Variants in CCDC191 observed in about 807,000 individuals in gnomAD.
CCDC191 encodes the protein coiled-coil domain containing 191.
Under a neutral mutation model 114.0 loss-of-function variants are expected in CCDC191, and 99 were observed. That is an observed-to-expected ratio of 0.87 (90% CI 0.74 to 1.03). The LOEUF is 1.03. Among genes scored for constraint, CCDC191 ranks in the 50% least tolerant of loss-of-function variants. The pLI is 0.00. For missense variants in CCDC191, 973 were observed against 1,087.0 expected (o/e 0.90, Z 1.47); for synonymous variants, 351 against 376.0 (o/e 0.93, Z 0.77).
upstream of CCDC191, chr3:114,056,532 C>G (rs115516714): frequency 1.2e-6 from 2 of 1,611,450 alleles, no homozygotes; most frequent in Non-Finnish European, 1.7e-6. Context: ...GGGCTGCCTC[C>G]GGGTCACGCT....
At chr3:114,054,211 A>G (rs1468608333) in intron 1 of CCDC191, 1 of 152,246 alleles carries the variant, frequency 6.6e-6, no homozygotes, top group Non-Finnish European at 1.5e-5. Flanking sequence ...TCAGTCAGGT[A>G]TTAATCTGAA....
At position 113,990,858 on chromosome 3, in the gene CCDC191, C is replaced by A. The variant is rs190466837; in HGVS notation, c.2164-10065G>T. ...GTGCATGCTTAGAATCCCAGCTACT[C>A]AGGAGGCTGAGGCAAGATAATTTGA... On this transcript the variant is annotated intron_variant, in intron 13 of 16. Transcript: ENST00000295878. Among the ~76,000 whole-genome samples, 15 of 145,356 alleles carry A rather than the reference C, an allele frequency of 1.0e-4. No homozygotes were observed. The East Asian group carries it at 3.0e-3, about 29-fold the overall frequency.
rs189817400 is a variant in CCDC191 at position 114,009,945 on chromosome 3, G to A, written c.1413+827C>T. On this transcript the variant is annotated intron_variant, in intron 9 of 16. Transcript: ENST00000295878. Reference sequence around the variant, plus strand: ...CACAGAATACTAGTCCTTAGACAGGGGATATGTATTACGTCCACTTGCGGA... The same window carrying A: ...CACAGAATACTAGTCCTTAGACAGGAGATATGTATTACGTCCACTTGCGGA... Among the ~76,000 whole-genome samples the A allele has an allele frequency of 7.7e-4, 117 of 152,106 alleles. 1 individual carries two copies. The highest frequency in any genetic ancestry group is 6.8e-3 in the Middle Eastern group (2 of 294).
chr3:113,971,719 A>G (rs1577311230), intron 16 of CCDC191, among the ~76,000 whole-genome samples: 2 of 150,816 alleles, frequency 1.3e-5, no homozygotes, highest in South Asian at 4.2e-4. Context: ...CCTCCTCTTC[A>G]GTTTTTTTTT....
Position 114,056,513 on chromosome 3 carries a change from C to A in CCDC191, c.-47G>T. The A allele has an allele frequency of 6.2e-7, 1 of 1,613,234 alleles. No homozygotes were observed. The highest frequency in any genetic ancestry group is 8.5e-7 in the Non-Finnish European group (1 of 1,179,900). On this transcript the variant is annotated 5_prime_UTR_variant, in exon 1 of 17. It adds an upstream start codon to the 5' untranslated region. Coordinates refer to ENST00000295878, the MANE Select transcript of CCDC191 (RefSeq NM_020817.2). ...CTCGGCCAAAGCTGCAGCAACCGCC[C>A]TTCTGCCCGGGCTGCCTCCGGGTCA...
At chr3:114,015,814 A>G (rs2076149825) in intron 8 of CCDC191, among the ~76,000 whole-genome samples, 1 of 152,362 alleles carries the variant, frequency 6.6e-6, no homozygotes. Context: ...AATAATAAAC[A>G]TGAACAAAAA....
chr3:113,981,022 G>A (rs752597670), intron 13 of CCDC191, among the ~76,000 whole-genome samples: 6 of 152,090 alleles, frequency 3.9e-5, no homozygotes, highest in Non-Finnish European at 8.8e-5. Flanking sequence ...ATGCATATTC[G>A]TGGATTTATT....
chr3:113,997,211 ATT>A (rs983426718), intron 13 of CCDC191, among the ~76,000 whole-genome samples: 5 of 152,194 alleles, frequency 3.3e-5, no homozygotes, highest in Non-Finnish European at 7.3e-5. Context: ...GTCAGAGGGC[ATT>A]TACAAATAAG....
chr3:114,042,909 T>C, intron 3 of CCDC191, 63 bp from the exon 4 acceptor site: 2 of 1,420,630 alleles, frequency 1.4e-6, no homozygotes, highest in Non-Finnish European at 9.7e-7. Context: ...TTATTCACTG[T>C]TTTCATTTAT....
At chr3:114,003,574 T>C in intron 11 of CCDC191, 1 of 985,414 alleles carries the variant, frequency 1.0e-6, no homozygotes, top group Non-Finnish European at 1.2e-6. Context: ...AAAAGACTAC[T>C]TGAAAGTAGA....
At chr3:113,972,782 G>C (rs1330747880) in intron 16 of CCDC191, among the ~76,000 whole-genome samples, 1 of 152,114 alleles carries the variant, frequency 6.6e-6, no homozygotes, top group African/African-American at 2.4e-5. Flanking sequence ...TCCTCTTGCT[G>C]AATTGACCTC....
upstream of CCDC191, chr3:114,056,533 G>C (rs772783475): frequency 1.2e-5 from 19 of 1,610,690 alleles, no homozygotes; most frequent in Admixed American, 1.0e-4. Flanking sequence ...GGCTGCCTCC[G>C]GGTCACGCTG....
chr3:114,053,684 A>G (rs777375623), intron 1 of CCDC191, 49 bp from the exon 2 acceptor site: 6 of 1,327,462 alleles, frequency 4.5e-6, no homozygotes, highest in African/African-American at 1.5e-5. Context: ...ATCTTTATCA[A>G]CTTTGCCATT....
At chr3:114,042,440 G>T (rs751913176) in intron 4 of CCDC191, among the ~76,000 whole-genome samples, 1 of 152,116 alleles carries the variant, frequency 6.6e-6, no homozygotes, top group African/African-American at 2.4e-5. Flanking sequence ...TATCTGTGGG[G>T]GCCAGGGGGT....
At chr3:113,998,262 C>T (rs1020860363) in intron 13 of CCDC191, among the ~76,000 whole-genome samples, 1 of 144,482 alleles carries the variant, frequency 6.9e-6, no homozygotes, top group South Asian at 2.2e-4. Context: ...GCCGAGATCG[C>T]ACCATTGCAC....
Position 113,974,716 on chromosome 3 carries a change from G to T in CCDC191, c.2606+3470C>A, listed in dbSNP as rs1015401768. ...CTGTGTCTGGCTTGTTTGGTTTTCA[G>T]TGGGTATGTTTGATTAGAGATTGTT... On this transcript the variant is annotated intron_variant, in intron 16 of 16. Coordinates refer to ENST00000295878, the MANE Select transcript of CCDC191 (RefSeq NM_020817.2). Among the ~76,000 whole-genome samples, 3 of 152,128 alleles carry T rather than the reference G, an allele frequency of 2.0e-5. No homozygotes were observed. In the East Asian group the frequency reaches 5.8e-4, roughly 29 times the overall value.
intron 7 of CCDC191, among the ~76,000 whole-genome samples, chr3:114,023,596 G>A (rs914406367): frequency 9.2e-5 from 14 of 152,194 alleles, no homozygotes; most frequent in Non-Finnish European, 1.8e-4. Flanking sequence ...ACAAAAACAA[G>A]CAATGGGGAA....
Position 114,009,179 on chromosome 3 carries a change from A to G in CCDC191, c.1413+1593T>C, listed in dbSNP as rs75615439. Among the ~76,000 whole-genome samples, 555 of 152,324 alleles carry G rather than the reference A, an allele frequency of 3.6e-3. 16 individuals carry two copies. The East Asian group carries it at 0.075, about 21-fold the overall frequency. ...TCTAGATGAGTGAATGTGAAGGCCT[A>G]GGACATTATTATATACTAGTGCAGA... On this transcript the variant is annotated intron_variant, in intron 9 of 16. Coordinates refer to ENST00000295878, the MANE Select transcript of CCDC191 (RefSeq NM_020817.2).
Position 114,056,250 on chromosome 3 carries a change from C to G in CCDC191, c.90+127G>C, listed in dbSNP as rs2076777689. 22 of 817,328 alleles carry G rather than the reference C, an allele frequency of 2.7e-5. No homozygotes were observed. The South Asian group carries it at 3.4e-4, about 13-fold the overall frequency. 50.6% of individuals were successfully genotyped at this position (817,328 alleles called of 1,614,324 possible). ...ACTCAGGGTAATGCTGGCTTTGGGG[C>G]GGTCAAGGCAGGGGCGTGTCAGCTC... is the stretch of plus-strand genomic sequence containing the variant. On this transcript the variant is annotated intron_variant, in intron 1 of 16. Transcript: ENST00000295878.
Sources: allele counts gnomAD v4.1 joint callset (sites outside exome capture counted in the v4.1 genomes callset), GRCh38; gene constraint gnomAD v4.1.1; transcripts MANE v1.5; gene names NCBI Gene and HGNC (gene_info 2026-07-23, HGNC 2026-07-21).